Variants in ADGRL3 observed in about 807,000 individuals in gnomAD.
ADGRL3 encodes calcium-independent alpha-latrotoxin receptor 3.
In ADGRL3, 62 loss-of-function variants were observed where a neutral mutation model predicts 153.5. The ratio of observed to expected loss-of-function variants is 0.40; its 90% CI spans 0.33 to 0.50. The LOEUF (loss-of-function observed/expected upper bound fraction) is 0.50. Ranked by LOEUF, ADGRL3 falls within the 20% of genes least tolerant of loss-of-function variation. The pLI, the probability that ADGRL3 is intolerant of heterozygous loss-of-function variation, is 0.47. For missense variants in ADGRL3, 1,641 were observed against 1,859.4 expected (o/e 0.88, Z 2.16); for synonymous variants, 710 against 672.5 (o/e 1.06, Z -0.86).
intron 21 of ADGRL3, among the ~76,000 whole-genome samples, chr4:62,022,415 A>G (rs1351160863): frequency 6.6e-6 from 1 of 152,176 alleles, no homozygotes; most frequent in Non-Finnish European, 1.5e-5. Context: ...AGTTGCAGCA[A>G]ATTATCCAGA....
intron 1 of ADGRL3, among the ~76,000 whole-genome samples, chr4:61,366,295 A>G (rs2096395820): frequency 1.3e-5 from 2 of 152,196 alleles, no homozygotes; most frequent in South Asian, 4.1e-4. Context: ...GGCTGGCTTT[A>G]CCATCAGCTG....
chr4:61,729,505 T>G (rs779432983), intron 6 of ADGRL3, among the ~76,000 whole-genome samples: 1 of 151,992 alleles, frequency 6.6e-6, no homozygotes, highest in Non-Finnish European at 1.5e-5. Context: ...TCACTTGTTT[T>G]TGAAACCTTA....
chr4:61,379,192 G>A (rs13136685), intron 1 of ADGRL3, among the ~76,000 whole-genome samples: 33,699 of 151,652 alleles, frequency 0.22, 4,136 homozygotes, highest in Admixed American at 0.27. Flanking sequence ...AGACCTGAAG[G>A]GGGTAGTTGG....
At chr4:61,384,995 C>A (rs1353152097) in intron 2 of ADGRL3, among the ~76,000 whole-genome samples, 2 of 152,004 alleles carry the variant, frequency 1.3e-5, no homozygotes, top group East Asian at 3.8e-4. Context: ...GTGATAGCTG[C>A]ACAACTTAGT....
At chr4:61,675,884 A>G (rs2095174394) in intron 5 of ADGRL3, among the ~76,000 whole-genome samples, 1 of 151,798 alleles carries the variant, frequency 6.6e-6, no homozygotes, top group Admixed American at 6.6e-5. Context: ...GTGCTATCAG[A>G]TACTAGGGCT....
chr4:61,592,204 C>T (rs545380727), intron 5 of ADGRL3, among the ~76,000 whole-genome samples: 2 of 151,968 alleles, frequency 1.3e-5, no homozygotes, highest in African/African-American at 4.8e-5. Context: ...TGAAGTCATT[C>T]GGGGTGATGC....
At chr4:61,631,276 A>T (rs1234298956) in intron 5 of ADGRL3, among the ~76,000 whole-genome samples, 2 of 152,194 alleles carry the variant, frequency 1.3e-5, no homozygotes, top group African/African-American at 2.4e-5. Context: ...GTATTAATGA[A>T]TGTTCTGGAA....
intron 2 of ADGRL3, among the ~76,000 whole-genome samples, chr4:61,449,669 T>C (rs746514283): frequency 6.6e-6 from 1 of 152,176 alleles, no homozygotes; most frequent in South Asian, 2.1e-4. Flanking sequence ...AACTTGACTT[T>C]AGTTACTTAA....
intron 9 of ADGRL3, among the ~76,000 whole-genome samples, chr4:61,865,067 A>T (rs1278000290): frequency 6.6e-6 from 1 of 152,286 alleles, no homozygotes; most frequent in East Asian, 1.9e-4. Context: ...TGTAATCTGC[A>T]TGTCACTCGT....
chr4:61,921,249 A>G (rs919505889), intron 13 of ADGRL3, among the ~76,000 whole-genome samples: 2 of 152,094 alleles, frequency 1.3e-5, no homozygotes, highest in African/African-American at 2.4e-5. Context: ...CAAAAGATAG[A>G]ATAATAGCTA....
chr4:61,848,312 G>T (rs890594146), intron 9 of ADGRL3, among the ~76,000 whole-genome samples: 1 of 150,402 alleles, frequency 6.6e-6, no homozygotes, highest in African/African-American at 2.5e-5. Flanking sequence ...CATTGGTTGG[G>T]CCATGTTCCC....
rs559364163 is a variant in ADGRL3 at position 61,711,372 on chromosome 4, T to C, written c.584-19250T>C. Among the ~76,000 whole-genome samples, 20 of 150,214 alleles carry C rather than the reference T, an allele frequency of 1.3e-4. No homozygotes were observed. The South Asian group carries it at 3.2e-3, about 24-fold the overall frequency. ...GGCAATGATAGCTAGTGTTACTTTCTGTCCTTTCCGTTACTGAAGTGAAGA... is the reference window on the plus strand; with the variant it reads ...GGCAATGATAGCTAGTGTTACTTTCCGTCCTTTCCGTTACTGAAGTGAAGA... On this transcript the variant is annotated intron_variant, in intron 6 of 26. Transcript: ENST00000683033.
intron 8 of ADGRL3, among the ~76,000 whole-genome samples, chr4:61,769,302 G>A (rs544058754): frequency 9.9e-5 from 15 of 152,154 alleles, no homozygotes; most frequent in African/African-American, 3.4e-4. Context: ...TAAGAGAAGG[G>A]AGAGATTGAA....
At chr4:62,042,951 C>T (rs1054194227) in intron 24 of ADGRL3, among the ~76,000 whole-genome samples, 13 of 152,044 alleles carry the variant, frequency 8.6e-5, no homozygotes, top group Admixed American at 6.6e-4. Context: ...TTTTAGTTTG[C>T]ATATTTTGAT....
intron 11 of ADGRL3, among the ~76,000 whole-genome samples, chr4:61,899,758 T>C (rs1339378930): frequency 6.6e-6 from 1 of 152,182 alleles, no homozygotes; most frequent in Admixed American, 6.5e-5. Flanking sequence ...ATCAGGGTGC[T>C]GGCAAATCCT....
At chr4:61,657,112 T>C (rs1312701469) in intron 5 of ADGRL3, among the ~76,000 whole-genome samples, 1 of 152,158 alleles carries the variant, frequency 6.6e-6, no homozygotes. Flanking sequence ...CATGTGTTTT[T>C]CCCCTCTCTG....
intron 4 of ADGRL3, among the ~76,000 whole-genome samples, chr4:61,559,089 G>T (rs2098782813): frequency 6.6e-6 from 1 of 151,940 alleles, no homozygotes; most frequent in African/African-American, 2.4e-5. Flanking sequence ...CATATTGCAG[G>T]ATGATAATTA....
At chr4:61,972,030 T>G (rs1432517527) in intron 17 of ADGRL3, among the ~76,000 whole-genome samples, 1 of 152,030 alleles carries the variant, frequency 6.6e-6, no homozygotes, top group Non-Finnish European at 1.5e-5. Flanking sequence ...TAAATTTGTT[T>G]GAGTTCATTG....
intron 2 of ADGRL3, among the ~76,000 whole-genome samples, chr4:61,408,502 G>A (rs2152232366): frequency 6.6e-6 from 1 of 151,612 alleles, no homozygotes; most frequent in Non-Finnish European, 1.5e-5. Context: ...CCCTGCTTAT[G>A]AGAATAGATT....
Sources: allele counts gnomAD v4.1 joint callset (sites outside exome capture counted in the v4.1 genomes callset), GRCh38; gene constraint gnomAD v4.1.1; transcripts MANE v1.5; gene names NCBI Gene and HGNC (gene_info 2026-07-23, HGNC 2026-07-21).